The following WDR4 variants were observed in gnomAD, a reference collection of about 807,000 sequenced individuals.
The protein encoded by WDR4 is WDR4 tRNA N7-guanosine methyltransferase non-catalytic subunit.
WDR4 carries 47 observed loss-of-function variants against 48.6 expected under a neutral mutation model. The ratio of observed to expected loss-of-function variants is 0.97; its 90% CI spans 0.77 to 1.23. WDR4 has a LOEUF of 1.23. Ranked by LOEUF, WDR4 falls within the 50% of genes most tolerant of loss-of-function variation. The pLI, the probability that WDR4 is intolerant of heterozygous loss-of-function variation, is 0.00. For synonymous variants in WDR4, 268 were observed against 230.0 expected (o/e 1.17, Z -1.49); for missense variants, 606 against 551.6 (o/e 1.10, Z -0.99).
chr21:42,850,366 G>A (rs1005917247), intron 10 of WDR4, 124 bp from the exon 11 acceptor site: 5 of 872,734 alleles, frequency 5.7e-6, no homozygotes, highest in Non-Finnish European at 8.4e-6. Flanking sequence ...GACCGTGGGG[G>A]GCGCCTTCTG....
chr21:42,878,510 A>C (rs2058552830), intron 1 of WDR4, among the ~76,000 whole-genome samples: 1 of 152,214 alleles, frequency 6.6e-6, no homozygotes, highest in Non-Finnish European at 1.5e-5. Flanking sequence ...GTGAGACCTA[A>C]CTTAACATCG....
At position 42,854,684 on chromosome 21, in the gene WDR4, G is replaced by A. The variant is rs1055465221; in HGVS notation, c.727-58C>T. The A allele has an allele frequency of 7.7e-6, 12 of 1,551,560 alleles. No homozygotes were observed. In the East Asian group the frequency reaches 9.2e-5, roughly 12 times the overall value. ...CACCTGCAGGGGCCCGACGCCGGGC[G>A]CTCTGATCCAACAAGAGCAAGACCG... On this transcript the variant is annotated intron_variant, in intron 7 of 10. Transcript: ENST00000398208.
chr21:42,879,213 G>GCC (rs1601194503), intron 1 of WDR4, 194 bp downstream of exon 1: 68 of 1,326,544 alleles, frequency 5.1e-5, no homozygotes, highest in Middle Eastern at 2.8e-4. Flanking sequence ...GAGAGCGGAC[G>GCC]GCGAAAGCGG....
chr21:42,869,577 G>A (rs1372975665), intron 3 of WDR4, among the ~76,000 whole-genome samples: 1 of 152,062 alleles, frequency 6.6e-6, no homozygotes, highest in Non-Finnish European at 1.5e-5. Context: ...CCACACTTTG[G>A]GAGATGGGCT....
At chr21:42,853,778 T>C (rs1253119113) in intron 8 of WDR4, 26 bp from the exon 9 acceptor site, 1 of 1,539,170 alleles carries the variant, frequency 6.5e-7, no homozygotes, top group African/African-American at 1.4e-5. Context: ...GAGAGCATGA[T>C]TACTAGGACT....
chr21:42,848,622 G>A (rs1182056319), downstream of WDR4, among the ~76,000 whole-genome samples: 2 of 57,864 alleles, frequency 3.5e-5, no homozygotes, highest in Non-Finnish European at 5.9e-5. Flanking sequence ...CACAGCGCAC[G>A]ATCACACCGC....
chr21:42,887,192 G>A, the WDR4 span, among the ~76,000 whole-genome samples: 2 of 151,960 alleles, frequency 1.3e-5, no homozygotes, highest in Admixed American at 6.6e-5. Flanking sequence ...GGGTTTCTCC[G>A]TGTTGGTCAG....
chr21:42,847,200 G>A (rs2057718381), downstream of WDR4, among the ~76,000 whole-genome samples: 1 of 152,208 alleles, frequency 6.6e-6, no homozygotes, highest in African/African-American at 2.4e-5. Context: ...GGCAAACAGG[G>A]TGGCGACATC....
intron 10 of WDR4, 42 bp downstream of exon 10, chr21:42,852,213 C>A (rs773565451): frequency 6.2e-7 from 1 of 1,609,696 alleles, no homozygotes; most frequent in South Asian, 1.1e-5. Context: ...GGGGACCGCG[C>A]TGGGTGTGAC....
chr21:42,883,302 C>A (rs891039126), upstream of WDR4, among the ~76,000 whole-genome samples: 10 of 132,750 alleles, frequency 7.5e-5, no homozygotes, highest in African/African-American at 1.2e-4. Context: ...GAAAAATGGG[C>A]AAGAAGTTAC....
intron 3 of WDR4, 137 bp downstream of exon 3, chr21:42,873,414 G>T: frequency 1.6e-6 from 2 of 1,233,946 alleles, no homozygotes; most frequent in Non-Finnish European, 1.1e-6. Context: ...CACTGAAAGT[G>T]GTGTCTGGCA....
intron 5 of WDR4, among the ~76,000 whole-genome samples, chr21:42,860,839 ACCAACAGGC>A (rs1241830501): frequency 6.6e-6 from 1 of 152,188 alleles, no homozygotes; most frequent in Non-Finnish European, 1.5e-5. Flanking sequence ...GGCTGCACAC[ACCAACAGGC>A]CCAACAGACC....
In WDR4 at chr21:42,850,190, G is replaced by A; in HGVS notation, c.1098C>T (p.Asp366=). Residue 366 remains aspartate (D), a synonymous_variant, in exon 11 of 11, where the codon GAC becomes GAT. Coordinates refer to ENST00000398208, the MANE Select transcript of WDR4 (RefSeq NM_018669.6). ...TCTTCTTCAGGTAGGAGGTCACGTT[G>A]TCGAACGTGGCCTTGTAGAGACTGC... ...SFSSLYKATF[D]NVTSYLKKKE... is the part of the protein sequence containing the mutation. 12 of 1,613,912 alleles carry A rather than the reference G, an allele frequency of 7.4e-6. No individual in the cohort carries two copies. The highest frequency in any genetic ancestry group is 1.0e-5 in the Non-Finnish European group (12 of 1,179,930).
chr21:42,892,276 CA>C, the WDR4 span, among the ~76,000 whole-genome samples: 89,372 of 148,510 alleles, frequency 0.6, 27,609 homozygotes, highest in African/African-American at 0.71. Context: ...AAAATTTAAA[CA>C]AAAAAAAAAT....
downstream of WDR4, among the ~76,000 whole-genome samples, chr21:42,844,846 A>AGCCCCC (rs1307377413): frequency 2.6e-5 from 4 of 152,196 alleles, no homozygotes; most frequent in Non-Finnish European, 5.9e-5. Context: ...TGTCACTGAG[A>AGCCCCC]GCCCCCGCCC....
chr21:42,871,974 G>A (rs1243453633), intron 3 of WDR4, among the ~76,000 whole-genome samples: 2 of 143,688 alleles, frequency 1.4e-5, no homozygotes, highest in African/African-American at 5.4e-5. Flanking sequence ...TGCTTTTGAT[G>A]CCACCTAGAA....
chr21:42,877,409 GCT>G (rs1193071330), intron 1 of WDR4, among the ~76,000 whole-genome samples: 1 of 149,372 alleles, frequency 6.7e-6, no homozygotes, highest in Non-Finnish European at 1.5e-5. Flanking sequence ...CTCCCAAAGT[GCT>G]GAGATTATAG....
rs574343199 is a variant in WDR4, at chr21:42,849,941, C to T, written c.*108G>A. 283 of 1,406,226 alleles carry T rather than the reference C, an allele frequency of 2.0e-4. 4 individuals carry two copies. The South Asian group carries it at 3.4e-3, about 17-fold the overall frequency. 87.1% of individuals were successfully genotyped at this position (1,406,226 alleles called of 1,614,324 possible). ...GGACAGCCCCATCCTCTGAGCTGGTCACAACTGATGTCACCTTTTCCTTCT... is the reference window on the plus strand; with the variant it reads ...GGACAGCCCCATCCTCTGAGCTGGTTACAACTGATGTCACCTTTTCCTTCT... On this transcript the variant is annotated 3_prime_UTR_variant, in exon 11 of 11. Transcript: ENST00000398208.
intron 3 of WDR4, among the ~76,000 whole-genome samples, chr21:42,871,657 T>C (rs917769956): frequency 3.3e-5 from 5 of 152,202 alleles, no homozygotes; most frequent in African/African-American, 1.2e-4. Context: ...TGTAGGGACA[T>C]GCATTTAAAA....
Sources: gnomAD v4.1 joint callset for allele counts (sites outside exome capture counted in the v4.1 genomes callset) on GRCh38, gnomAD v4.1.1 for gene constraint, MANE v1.5 for transcripts, NCBI Gene and HGNC (gene_info 2026-07-23, HGNC 2026-07-21) for gene names.